The following UBE2E2 variants were observed in gnomAD, a reference collection of about 807,000 sequenced individuals.
UBE2E2 encodes ubiquitin-conjugating enzyme E2 E2.
UBE2E2 carries 6 observed loss-of-function variants against 24.7 expected under a neutral mutation model. The observed-to-expected ratio is 0.24, with a 90% CI of 0.13 to 0.48. UBE2E2 has a LOEUF of 0.48. Among genes scored for constraint, UBE2E2 ranks in the 20% least tolerant of loss-of-function variants. The pLI is 0.99. For missense variants in UBE2E2, 169 were observed against 245.0 expected (o/e 0.69, Z 2.07); for synonymous variants, 104 against 83.6 (o/e 1.24, Z -1.33).
intron 3 of UBE2E2, among the ~76,000 whole-genome samples, chr3:23,369,089 A>AT (rs1248423055): frequency 5.3e-5 from 8 of 152,182 alleles, no homozygotes; most frequent in Non-Finnish European, 1.5e-5. Context: ...CCTATGGTGA[A>AT]TTTTCAGTTA....
At chr3:23,468,823 T>C (rs528946966) in intron 3 of UBE2E2, among the ~76,000 whole-genome samples, 2 of 152,328 alleles carry the variant, frequency 1.3e-5, no homozygotes, top group African/African-American at 4.8e-5. Context: ...TCTCTAAATT[T>C]AGCGTGACAA....
intron 3 of UBE2E2, among the ~76,000 whole-genome samples, chr3:23,465,575 T>C (rs542200338): frequency 4.0e-4 from 61 of 152,262 alleles, no homozygotes; most frequent in South Asian, 2.9e-3. Context: ...AGTGGCCAAA[T>C]TGGAAATTCA....
rs373434297 is a variant in UBE2E2, at chr3:23,222,655, G to A, written c.227+5343G>A. On this transcript the variant is annotated intron_variant, in intron 3 of 5. Transcript: ENST00000396703. ...AGGTGGAACCATGAGTCCATTAAAC[G>A]TCTTTTTGTAAATTGCCCAGTCTCA... Among the ~76,000 whole-genome samples the A allele has an allele frequency of 2.2e-4, 34 of 152,306 alleles. No individual in the cohort carries two copies. In the East Asian group the frequency reaches 2.7e-3, roughly 12 times the overall value.
intron 5 of UBE2E2, among the ~76,000 whole-genome samples, chr3:23,544,191 A>T (rs1000117359): frequency 1.3e-5 from 2 of 152,196 alleles, no homozygotes; most frequent in African/African-American, 2.4e-5. Flanking sequence ...CAAATGCAGC[A>T]AAAACAAAAA....
At chr3:23,367,622 G>A (rs2125337270) in intron 3 of UBE2E2, among the ~76,000 whole-genome samples, 1 of 152,264 alleles carries the variant, frequency 6.6e-6, no homozygotes, top group East Asian at 1.9e-4. Flanking sequence ...CAGTATCTAT[G>A]TGGAAGTAAG....
At chr3:23,348,347 C>CAAAAAAAAAAAAAAAAAAA (rs35038477) in intron 3 of UBE2E2, among the ~76,000 whole-genome samples, 81 of 121,920 alleles carry the variant, frequency 6.6e-4, no homozygotes, top group East Asian at 3.0e-3. Context: ...GTGCTGCTTT[C>CAAAAAAAAAAAAAAAAAAA]AAAAAAAAAA....
chr3:23,368,451 T>C (rs1374637273), intron 3 of UBE2E2, among the ~76,000 whole-genome samples: 1 of 152,216 alleles, frequency 6.6e-6, no homozygotes, highest in Non-Finnish European at 1.5e-5. Flanking sequence ...CAAGCCATTA[T>C]AATGATCAAG....
chr3:23,349,116 A>G (rs1015616875), intron 3 of UBE2E2, among the ~76,000 whole-genome samples: 1 of 152,148 alleles, frequency 6.6e-6, no homozygotes, highest in Non-Finnish European at 1.5e-5. Context: ...GAGATTGGAC[A>G]TCTCTCTGCA....
intron 3 of UBE2E2, among the ~76,000 whole-genome samples, chr3:23,464,731 ATAAT>A (rs748480322): frequency 2.0e-5 from 3 of 152,176 alleles, no homozygotes; most frequent in Non-Finnish European, 4.4e-5. Context: ...TAATTATGGG[ATAAT>A]TAAATAACCT....
intron 3 of UBE2E2, among the ~76,000 whole-genome samples, chr3:23,217,790 T>G (rs939969745): frequency 6.6e-6 from 1 of 152,106 alleles, no homozygotes; most frequent in African/African-American, 2.4e-5. Context: ...ATGGGTGATT[T>G]GAGGCAATGA....
At chr3:23,492,353 C>A (rs1352128000) in intron 3 of UBE2E2, among the ~76,000 whole-genome samples, 1 of 152,154 alleles carries the variant, frequency 6.6e-6, no homozygotes, top group African/African-American at 2.4e-5. Flanking sequence ...GAAAAATCCC[C>A]TCATCTTCTT....
chr3:23,421,102 T>C (rs1360369034), intron 3 of UBE2E2, among the ~76,000 whole-genome samples: 2 of 152,254 alleles, frequency 1.3e-5, no homozygotes, highest in African/African-American at 4.8e-5. Context: ...TGTGCACTAG[T>C]AGTGCTTAGG....
At chr3:23,410,090 C>A (rs1333321423) in intron 3 of UBE2E2, among the ~76,000 whole-genome samples, 1 of 152,108 alleles carries the variant, frequency 6.6e-6, no homozygotes, top group East Asian at 1.9e-4. Flanking sequence ...CAGTTCAACC[C>A]AGTATAGAGG....
At chr3:23,392,278 C>A (rs1696957086) in intron 3 of UBE2E2, among the ~76,000 whole-genome samples, 1 of 152,150 alleles carries the variant, frequency 6.6e-6, no homozygotes, top group Admixed American at 6.5e-5. Flanking sequence ...ATTCACTCAA[C>A]AAATTGAGTG....
intron 4 of UBE2E2, among the ~76,000 whole-genome samples, chr3:23,532,055 C>CT (rs1321343480): frequency 3.5e-5 from 5 of 141,286 alleles, no homozygotes; most frequent in Admixed American, 7.3e-5. Context: ...GAGCGAAACT[C>CT]TATCTCAAAA....
At chr3:23,535,712 T>C (rs971617350) in intron 5 of UBE2E2, among the ~76,000 whole-genome samples, 59 of 137,502 alleles carry the variant, frequency 4.3e-4, no homozygotes, top group African/African-American at 1.6e-3. Flanking sequence ...CATCCTCTCC[T>C]CCCGGGTTCA....
At chr3:23,315,837 C>T (rs1694560799) in intron 3 of UBE2E2, among the ~76,000 whole-genome samples, 1 of 151,904 alleles carries the variant, frequency 6.6e-6, no homozygotes. Context: ...TTAGAGGATA[C>T]CCTAAGCTTA....
At chr3:23,316,083 C>T (rs1029166434) in intron 3 of UBE2E2, among the ~76,000 whole-genome samples, 1 of 152,088 alleles carries the variant, frequency 6.6e-6, no homozygotes, top group African/African-American at 2.4e-5. Context: ...CTAAAGCCAG[C>T]GCAGCACTGA....
chr3:23,486,711 C>T (rs1202594200), intron 3 of UBE2E2, among the ~76,000 whole-genome samples: 2 of 152,270 alleles, frequency 1.3e-5, no homozygotes, highest in Admixed American at 6.5e-5. Flanking sequence ...AGTGGTAACT[C>T]CTTTCAGCAG....
Sources: gnomAD v4.1 joint callset for allele counts (sites outside exome capture counted in the v4.1 genomes callset) on GRCh38, gnomAD v4.1.1 for gene constraint, MANE v1.5 for transcripts, NCBI Gene and HGNC (gene_info 2026-07-23, HGNC 2026-07-21) for gene names.